MCTP1: variants seen among roughly 807,000 people sequenced by gnomAD.
MCTP1 encodes the protein multiple C2 and transmembrane domain containing 1.
A neutral mutation model predicts 120.6 loss-of-function variants in MCTP1; 69 were observed. The ratio of observed to expected loss-of-function variants is 0.57; its 90% confidence interval spans 0.47 to 0.70. MCTP1 has a LOEUF of 0.70. MCTP1 is among the 30% of genes least tolerant of loss of function. The pLI is 0.00. For synonymous variants in MCTP1, 529 were observed against 493.1 expected, an observed-to-expected ratio of 1.07 and a Z score of -0.96; for missense variants, 1,203 against 1,248.8, an observed-to-expected ratio of 0.96 and a Z score of 0.55.
At chr5:94,884,444 A>G (rs758140333) in intron 12 of MCTP1, among the ~76,000 whole-genome samples, 48 of 152,250 alleles carry the variant, frequency 3.2e-4, no homozygotes, top group Non-Finnish European at 5.9e-4. Flanking sequence ...CCTGCTCTAA[A>G]GGGCTTTGTC....
At chr5:94,755,407 C>T (rs1406779807) in intron 19 of MCTP1, among the ~76,000 whole-genome samples, 2 of 152,156 alleles carry the variant, frequency 1.3e-5, no homozygotes, top group African/African-American at 4.8e-5. Context: ...TTAATTCCCA[C>T]TTTCCTCTCT....
intron 1 of MCTP1, among the ~76,000 whole-genome samples, chr5:95,113,424 T>A (rs1192955213): frequency 2.0e-5 from 3 of 151,942 alleles, no homozygotes; most frequent in Admixed American, 1.3e-4. Context: ...CCCTCCCCCA[T>A]CCCCAAGCAG....
chr5:95,123,885 A>C (rs1283149147), intron 1 of MCTP1, among the ~76,000 whole-genome samples: 2 of 152,082 alleles, frequency 1.3e-5, no homozygotes, highest in South Asian at 2.1e-4. Context: ...TCCTGACCTC[A>C]TGATCCGCCC....
intron 1 of MCTP1, among the ~76,000 whole-genome samples, chr5:95,125,971 A>G (rs1414652721): frequency 6.6e-6 from 1 of 152,258 alleles, no homozygotes; most frequent in East Asian, 1.9e-4. Flanking sequence ...ACACAAAGCT[A>G]TGAAGAAAGA....
chr5:94,743,286 C>A (rs1765966224), intron 19 of MCTP1, among the ~76,000 whole-genome samples: 1 of 148,128 alleles, frequency 6.8e-6, no homozygotes, highest in African/African-American at 2.5e-5. Flanking sequence ...AACTTATTAG[C>A]AAATCTGCAG....
At chr5:94,890,407 C>T (rs1198516503) in intron 11 of MCTP1, among the ~76,000 whole-genome samples, 3 of 152,034 alleles carry the variant, frequency 2.0e-5, no homozygotes, top group Non-Finnish European at 4.4e-5. Context: ...CTACTATTTT[C>T]CTCTTGGTGA....
intron 17 of MCTP1, among the ~76,000 whole-genome samples, chr5:94,834,643 A>G (rs960428064): frequency 2.0e-5 from 3 of 152,174 alleles, no homozygotes; most frequent in Admixed American, 6.5e-5. Flanking sequence ...AAGAGACATC[A>G]TAGCGCAATT....
At chr5:94,755,208 C>G (rs1162435883) in intron 19 of MCTP1, among the ~76,000 whole-genome samples, 1 of 152,156 alleles carries the variant, frequency 6.6e-6, no homozygotes, top group African/African-American at 2.4e-5. Flanking sequence ...AACACCTGTG[C>G]TCCTCACCGG....
intron 1 of MCTP1, among the ~76,000 whole-genome samples, chr5:95,049,934 A>C (rs1745459064): frequency 6.6e-6 from 1 of 152,208 alleles, no homozygotes; most frequent in South Asian, 2.1e-4. Flanking sequence ...ACTCAAGATC[A>C]AAATTAACAT....
chr5:94,791,360 T>C (rs1778913238), intron 18 of MCTP1, among the ~76,000 whole-genome samples: 1 of 151,282 alleles, frequency 6.6e-6, no homozygotes, highest in Non-Finnish European at 1.5e-5. Context: ...ACTGGTGCAG[T>C]GGCTCGCACC....
chr5:95,076,973 C>A (rs1213108498), intron 1 of MCTP1, among the ~76,000 whole-genome samples: 1 of 152,100 alleles, frequency 6.6e-6, no homozygotes, highest in East Asian at 1.9e-4. Flanking sequence ...AAACTTGAAA[C>A]AATAACATCT....
intron 1 of MCTP1, among the ~76,000 whole-genome samples, chr5:95,074,576 G>A (rs189864144): frequency 2.0e-4 from 31 of 152,234 alleles, no homozygotes; most frequent in African/African-American, 6.0e-4. Flanking sequence ...AAGTTGGAGC[G>A]GGTGAAGTAT....
intron 2 of MCTP1, chr5:94,980,763 G>A (rs1829223728): frequency 6.6e-6 from 1 of 152,096 alleles, no homozygotes; most frequent in South Asian, 2.1e-4. Flanking sequence ...AATGAGAGAA[G>A]TTTTAAAGGG....
intron 10 of MCTP1, among the ~76,000 whole-genome samples, chr5:94,903,001 G>T (rs1201037997): frequency 2.0e-5 from 3 of 152,094 alleles, no homozygotes; most frequent in African/African-American, 7.2e-5. Context: ...AGAACAAACA[G>T]TAACTCATGA....
intron 1 of MCTP1, among the ~76,000 whole-genome samples, chr5:95,142,482 C>T (rs1407582472): frequency 6.6e-6 from 1 of 152,182 alleles, no homozygotes; most frequent in Admixed American, 6.5e-5. Flanking sequence ...CATTTCCCTG[C>T]AGACATATGT....
At chr5:94,757,532 C>T (rs1339269980) in intron 19 of MCTP1, among the ~76,000 whole-genome samples, 1 of 152,078 alleles carries the variant, frequency 6.6e-6, no homozygotes, top group African/African-American at 2.4e-5. Context: ...AGGAAGAAGA[C>T]AGGTTTAGAG....
Position 94,847,199 on chromosome 5 carries a change from G to A in MCTP1, c.2436+21134C>T, listed in dbSNP as rs1792590204. On this transcript the variant is annotated intron_variant, in intron 17 of 22. Coordinates refer to ENST00000515393, the MANE Select transcript of MCTP1 (RefSeq NM_024717.7). ...AACAGGATCCCCAGGTGATATGTAT[G>A]TACATCAAAGGCTGAGAAGCACTGT... 2.0e-5 allele frequency among the ~76,000 whole-genome samples: 3 copies of A among 152,228 alleles called. No individual in the cohort carries two copies. The South Asian group carries it at 6.2e-4, about 32-fold the overall frequency.
chr5:95,211,589 A>G (rs1752382061), intron 1 of MCTP1, among the ~76,000 whole-genome samples: 2 of 152,114 alleles, frequency 1.3e-5, no homozygotes, highest in South Asian at 4.1e-4. Context: ...AATTCTTTTC[A>G]AAGTTTTCAA....
At chr5:94,796,492 G>A (rs1378007131) in intron 18 of MCTP1, among the ~76,000 whole-genome samples, 1 of 150,296 alleles carries the variant, frequency 6.7e-6, no homozygotes, top group Non-Finnish European at 1.5e-5. Context: ...TATGCGCTAT[G>A]CAGGAGAGTC....
Sources: allele counts gnomAD v4.1 joint callset (sites outside exome capture counted in the v4.1 genomes callset), GRCh38; gene constraint gnomAD v4.1.1; transcripts MANE v1.5; gene names NCBI Gene and HGNC (gene_info 2026-07-23, HGNC 2026-07-21).